EHD2: variants seen among roughly 807,000 people sequenced by gnomAD.
EHD2 encodes the protein EH domain-containing protein 2.
In EHD2, 27 loss-of-function variants were observed where a neutral mutation model predicts 41.0. That is an observed-to-expected ratio of 0.66 (90% confidence interval 0.49 to 0.91). The LOEUF (loss-of-function observed/expected upper bound fraction) is 0.91. EHD2 is among the 40% of genes least tolerant of loss of function. The pLI, the probability that EHD2 is intolerant of heterozygous loss-of-function variation, is 0.00. For synonymous variants in EHD2, 342 were observed against 341.0 expected, an observed-to-expected ratio of 1.00 and a Z score of -0.03; for missense variants, 673 against 773.9, an observed-to-expected ratio of 0.87 and a Z score of 1.55.
chr19:47,717,712 G>C (rs2123634448), intron 2 of EHD2, among the ~76,000 whole-genome samples: 1 of 152,036 alleles, frequency 6.6e-6, no homozygotes, highest in East Asian at 1.9e-4. Flanking sequence ...TTGGAGACCA[G>C]CCTGGCCAAC....
chr19:47,713,932 C>T lies in EHD2; in HGVS notation c.-56+394C>T, dbSNP rs1196184165. Among the ~76,000 whole-genome samples, 7 of 152,096 alleles carry T rather than the reference C, an allele frequency of 4.6e-5. No homozygotes were observed. The East Asian group carries it at 5.8e-4, about 13-fold the overall frequency. ...CTGCCTCACCAGCTCCATCGGCCAC[C>T]GCTGATAGCATTCTCCCCAGCTCTC... is the stretch of plus-strand genomic sequence containing the variant. On this transcript the variant is annotated intron_variant, in intron 1 of 5. Transcript: ENST00000263277.
At chr19:47,731,280 A>AAAAAAAAAAAAT (rs1491458646) in intron 4 of EHD2, 1 of 54,730 alleles carries the variant, frequency 1.8e-5, no homozygotes, top group African/African-American at 6.5e-5. Flanking sequence ...AAAAAAAAAA[A>AAAAAAAAAAAAT]TATATATATA....
chr19:47,718,618 C>T lies in EHD2; in HGVS notation c.502+12C>T, dbSNP rs1973656554. On this transcript the variant is annotated intron_variant, in intron 3 of 5. Coordinates refer to ENST00000263277, the MANE Select transcript of EHD2 (RefSeq NM_014601.4). ...GAGAGTGAGCCGCGGTGAGTGGGGC[C>T]AGACCCTGGGGTCTGAGGGAGGAGG... The T allele has an allele frequency of 3.9e-6, 6 of 1,551,558 alleles. No homozygotes were observed. Among genetic ancestry groups the T allele is most frequent in the Non-Finnish European group, 5.2e-6 (6 of 1,146,872 alleles).
chr19:47,716,576 GTC>G lies in EHD2; in HGVS notation c.-32_-31del. 1 of 1,460,544 alleles carries G rather than the reference GTC, an allele frequency of 6.8e-7. No homozygotes were observed. The highest frequency in any genetic ancestry group is 9.0e-7 in the Non-Finnish European group (1 of 1,108,732). The allele number at this position is 1,460,544 out of a possible 1,614,324, so 90.5% of individuals were successfully genotyped here. ...CCCACAGGCAGCTCTCCATCTGCAC[GTC>G]TCTCCGTGAACCCCGTGAGCGGTGT... is the stretch of plus-strand genomic sequence containing the variant. On this transcript the variant is annotated 5_prime_UTR_variant, in exon 2 of 6. Coordinates refer to ENST00000263277, the MANE Select transcript of EHD2 (RefSeq NM_014601.4).
At chr19:47,733,810 A>C (rs186452256) in intron 4 of EHD2, among the ~76,000 whole-genome samples, 1 of 151,502 alleles carries the variant, frequency 6.6e-6, no homozygotes, top group Non-Finnish European at 1.5e-5. Flanking sequence ...AAGAGTGAAG[A>C]AAGCAAAAAG....
chr19:47,731,019 T>C (rs1011660473), intron 4 of EHD2, among the ~76,000 whole-genome samples: 10 of 151,474 alleles, frequency 6.6e-5, no homozygotes, highest in South Asian at 2.1e-4. Flanking sequence ...GAGGGACTAT[T>C]TTAGAGCGCT....
chr19:47,726,567 CCTT>C (rs202135637), intron 4 of EHD2, among the ~76,000 whole-genome samples: 62 of 148,764 alleles, frequency 4.2e-4, no homozygotes, highest in South Asian at 6.5e-4. Context: ...TCCTCCTCCT[CCTT>C]CTTCTCTTTC....
At chr19:47,723,738 C>T (rs537696874) in intron 3 of EHD2, among the ~76,000 whole-genome samples, 18 of 150,564 alleles carry the variant, frequency 1.2e-4, no homozygotes, top group South Asian at 1.0e-3. Flanking sequence ...AGTGCAATGA[C>T]GCAATCATGG....
chr19:47,731,785 ATTTTTTT>A (rs35766063), intron 4 of EHD2, among the ~76,000 whole-genome samples: 1 of 112,816 alleles, frequency 8.9e-6, no homozygotes, highest in African/African-American at 3.4e-5. Context: ...GATATACTGC[ATTTTTTT>A]TTTTTTTTTT....
chr19:47,721,614 T>C (rs556809345), intron 3 of EHD2, among the ~76,000 whole-genome samples: 1 of 150,858 alleles, frequency 6.6e-6, no homozygotes, highest in East Asian at 2.0e-4. Context: ...GCCCAGCCTA[T>C]TTTCTGCTGC....
At position 47,742,648 on chromosome 19, in the gene EHD2, C is replaced by T. The variant is rs1405189838; in HGVS notation, c.*1216C>T. 6.6e-6 allele frequency: 1 copy of T among 152,590 alleles called. No homozygotes were observed. The highest frequency in any genetic ancestry group is 2.4e-5 in the African/African-American group (1 of 41,430). The allele number at this position is 152,590 out of a possible 1,614,324, so 9.5% of individuals were successfully genotyped here. A position where few individuals can be genotyped will look rare whatever the true frequency, so the allele number is the denominator to read the frequency against. ...CATCCTGCTCCTCTGATACTGTGCCCCCTTGGAGATATTTCCGTCCTCCAC... is the reference window on the plus strand; with the variant it reads ...CATCCTGCTCCTCTGATACTGTGCCTCCTTGGAGATATTTCCGTCCTCCAC... On this transcript the variant is annotated 3_prime_UTR_variant, in exon 6 of 6. Transcript: ENST00000263277.
intron 5 of EHD2, among the ~76,000 whole-genome samples, chr19:47,740,574 T>G (rs1966975536): frequency 6.6e-6 from 1 of 151,972 alleles, no homozygotes; most frequent in African/African-American, 2.4e-5. Context: ...GGTGAAACGC[T>G]GTCTCTATTA....
chr19:47,735,912 A>G (rs1235034060), intron 4 of EHD2, among the ~76,000 whole-genome samples: 1 of 150,154 alleles, frequency 6.7e-6, no homozygotes, highest in East Asian at 2.0e-4. Context: ...TCGAAAAAAA[A>G]AAAGACTGGG....
chr19:47,736,207 AAG>A (rs566288581), intron 4 of EHD2, among the ~76,000 whole-genome samples, 160 bp from the exon 5 acceptor site: 5 of 151,920 alleles, frequency 3.3e-5, no homozygotes, highest in African/African-American at 4.8e-5. Flanking sequence ...AAGAAAAAAA[AAG>A]AGAGAGAGAG....
At chr19:47,731,280 A>AAAAAAAAAAAT (rs1491458646) in intron 4 of EHD2, 6 of 54,730 alleles carry the variant, frequency 1.1e-4, no homozygotes, top group Non-Finnish European at 2.2e-4. Context: ...AAAAAAAAAA[A>AAAAAAAAAAAT]TATATATATA....
chr19:47,729,291 G>A lies in EHD2; in HGVS notation c.915+3067G>A, dbSNP rs369190814. The stretch of plus-strand genomic sequence containing the variant: ...GTGTGCTAACTCAATTAGAGGCTGA[G>A]GATGTGGCTGAGATCAGAGGTGGTG... On this transcript the variant is annotated intron_variant, in intron 4 of 5. Transcript: ENST00000263277. Among the ~76,000 whole-genome samples, 10 of 152,254 alleles carry A rather than the reference G, an allele frequency of 6.6e-5. No individual in the cohort carries two copies. In the East Asian group the frequency reaches 1.9e-3, roughly 29 times the overall value.
At position 47,716,660 on chromosome 19, in the gene EHD2, G is replaced by C; in HGVS notation, c.48G>C (p.Glu16Asp). The C allele has an allele frequency of 6.3e-7, 1 of 1,590,274 alleles. No homozygotes were observed. The highest frequency in any genetic ancestry group is 8.6e-7 in the Non-Finnish European group (1 of 1,168,058). The change falls in exon 2 of 6, where the codon GAG becomes GAC. Residue 16 changes from glutamate to aspartate, a missense_variant. Transcript: ENST00000263277. ...GCGGGGCACGGGGCCAGCAGCCCGA[G>C]GCCATCCGCACGGTGACCTCGGCCC... The part of the protein sequence containing the change: ...KRGGARGQQP[E>D]AIRTVTSALK...
Position 47,722,732 on chromosome 19 carries a change from A to T in EHD2, c.503-3080A>T, listed in dbSNP as rs182863749. On this transcript the variant is annotated intron_variant, in intron 3 of 5. Coordinates refer to ENST00000263277, the MANE Select transcript of EHD2 (RefSeq NM_014601.4). The stretch of plus-strand genomic sequence containing the variant: ...AGGTGCCCACCACCACACCCAGCTA[A>T]TTTTTTTGTATTTTTAGTGGAGACG... Among the ~76,000 whole-genome samples, 823 of 151,772 alleles carry T rather than the reference A, an allele frequency of 5.4e-3. 8 individuals are homozygous for T. Among genetic ancestry groups the T allele is most frequent in the African/African-American group, 0.019 (790 of 41,394 alleles).
intron 4 of EHD2, 67 bp downstream of exon 4, chr19:47,726,291 C>A (rs1173230788): frequency 7.0e-7 from 1 of 1,437,188 alleles, no homozygotes; most frequent in Non-Finnish European, 9.2e-7. Flanking sequence ...CCTACCAGTG[C>A]TGTGAGTCCC....
Sources: allele counts gnomAD v4.1 joint callset (sites outside exome capture counted in the v4.1 genomes callset), GRCh38; gene constraint gnomAD v4.1.1; transcripts MANE v1.5; gene names NCBI Gene and HGNC (gene_info 2026-07-23, HGNC 2026-07-21).